ANKS1B: variants seen among roughly 807,000 people sequenced by gnomAD.
The protein encoded by ANKS1B is ankyrin repeat and sterile alpha motif domain containing 1B.
Under a neutral mutation model 148.3 loss-of-function variants are expected in ANKS1B, and 36 were observed. That is an observed-to-expected ratio of 0.24 (90% CI 0.19 to 0.32). The LOEUF (loss-of-function observed/expected upper bound fraction) is 0.32. Among genes scored for constraint, ANKS1B ranks in the 10% least tolerant of loss-of-function variants. The pLI, the probability that ANKS1B is intolerant of heterozygous loss-of-function variation, is 1.00. For synonymous variants in ANKS1B, 542 were observed against 560.8 expected (o/e 0.97, Z 0.47); for missense variants, 1,157 against 1,542.6 (o/e 0.75, Z 4.19).
chr12:99,218,157 G>T (rs558161687), intron 14 of ANKS1B, among the ~76,000 whole-genome samples: 7 of 152,240 alleles, frequency 4.6e-5, no homozygotes, highest in Non-Finnish European at 7.4e-5. Context: ...CTTCTTGGAT[G>T]AAAAGATGCT....
intron 17 of ANKS1B, among the ~76,000 whole-genome samples, chr12:99,004,981 C>T (rs1332438839): frequency 6.6e-6 from 1 of 152,110 alleles, no homozygotes; most frequent in African/African-American, 2.4e-5. Flanking sequence ...ATTGCCTGTG[C>T]CCTCGCAAGG....
At chr12:99,408,371 C>G (rs1203837096) in intron 11 of ANKS1B, among the ~76,000 whole-genome samples, 1 of 145,798 alleles carries the variant, frequency 6.9e-6, no homozygotes, top group Non-Finnish European at 1.5e-5. Context: ...ATAATTAAAT[C>G]TAAGACCTCA....
chr12:99,030,835 T>C (rs1031036129), intron 17 of ANKS1B, among the ~76,000 whole-genome samples: 1 of 152,186 alleles, frequency 6.6e-6, no homozygotes, highest in African/African-American at 2.4e-5. Context: ...CTCCCATTGA[T>C]TTAAAATTAT....
chr12:99,475,659 C>T (rs894129036), intron 10 of ANKS1B, among the ~76,000 whole-genome samples: 1 of 151,248 alleles, frequency 6.6e-6, no homozygotes, highest in Non-Finnish European at 1.5e-5. Flanking sequence ...TCTTAAAACT[C>T]ATATGGTAAA....
At chr12:99,434,278 T>TA in intron 11 of ANKS1B, among the ~76,000 whole-genome samples, 1 of 152,174 alleles carries the variant, frequency 6.6e-6, no homozygotes, top group Admixed American at 6.5e-5. Flanking sequence ...TTTAAAGCAA[T>TA]AATGCCAACT....
intron 4 of ANKS1B, among the ~76,000 whole-genome samples, chr12:99,797,107 G>A (rs2066341556): frequency 6.6e-6 from 1 of 151,880 alleles, no homozygotes. Flanking sequence ...GTCACATAGT[G>A]TACAGAATGT....
At chr12:99,483,759 T>C (rs928271681) in intron 10 of ANKS1B, among the ~76,000 whole-genome samples, 1 of 152,030 alleles carries the variant, frequency 6.6e-6, no homozygotes, top group African/African-American at 2.4e-5. Context: ...TTGACCCATT[T>C]CCTCTAGGTT....
chr12:98,777,347 A>C (rs529826753), intron 24 of ANKS1B, among the ~76,000 whole-genome samples: 1 of 152,358 alleles, frequency 6.6e-6, no homozygotes, highest in South Asian at 2.1e-4. Context: ...AACAACAATG[A>C]AAGCAAAAAA....
At chr12:99,577,337 G>T (rs922992921) in intron 9 of ANKS1B, among the ~76,000 whole-genome samples, 1 of 142,966 alleles carries the variant, frequency 7.0e-6, no homozygotes, top group African/African-American at 2.5e-5. Context: ...ATAAATAAAA[G>T]CAAACCAACC....
chr12:98,784,535 T>C (rs936797199), intron 22 of ANKS1B, among the ~76,000 whole-genome samples: 1 of 152,186 alleles, frequency 6.6e-6, no homozygotes, highest in Admixed American at 6.5e-5. Flanking sequence ...TTCCTGGCTT[T>C]TGCAACAAGA....
At chr12:99,252,093 A>T (rs554297150) in intron 12 of ANKS1B, among the ~76,000 whole-genome samples, 1 of 152,354 alleles carries the variant, frequency 6.6e-6, no homozygotes, top group East Asian at 1.9e-4. Context: ...GCAATTAGGA[A>T]ATGTCTTTCT....
chr12:99,126,786 A>C (rs966073290), intron 15 of ANKS1B, among the ~76,000 whole-genome samples: 18 of 152,210 alleles, frequency 1.2e-4, no homozygotes, highest in Admixed American at 1.3e-4. Flanking sequence ...CCTTATTTCT[A>C]AAAACAAAGA....
intron 12 of ANKS1B, among the ~76,000 whole-genome samples, chr12:99,280,862 CTCTG>C (rs201155175): frequency 0.016 from 2,462 of 151,052 alleles, 52 homozygotes; most frequent in African/African-American, 0.05. Flanking sequence ...CTCTCTCTCT[CTCTG>C]TCTGTCTCTC....
Position 99,984,341 on chromosome 12 carries a change from A to C in ANKS1B, c.-104T>G. ...AGGGCCCTCTTCGCCCCACCCTAAA[A>C]TAATGCAAGAGCTTCAGCACGGAGA... is the stretch of plus-strand genomic sequence containing the variant. On this transcript the variant is annotated 5_prime_UTR_variant, in exon 1 of 27. Transcript: ENST00000683438. 1.3e-5 allele frequency: 13 copies of C among 1,037,180 alleles called. No individual in the cohort carries two copies. The highest frequency in any genetic ancestry group is 1.6e-5 in the Non-Finnish European group (12 of 742,834). 64.2% of individuals were successfully genotyped at this position (1,037,180 alleles called of 1,614,324 possible).
At chr12:99,698,527 C>T (rs141863239) in intron 8 of ANKS1B, among the ~76,000 whole-genome samples, 6 of 152,112 alleles carry the variant, frequency 3.9e-5, no homozygotes, top group Non-Finnish European at 8.8e-5. Context: ...GATTGAGGAA[C>T]AGACAGAATT....
intron 14 of ANKS1B, among the ~76,000 whole-genome samples, chr12:99,235,638 A>G (rs2087760164): frequency 6.6e-6 from 1 of 152,198 alleles, no homozygotes; most frequent in Non-Finnish European, 1.5e-5. Context: ...AACTGGCTAC[A>G]TAGTCTATCT....
intron 15 of ANKS1B, among the ~76,000 whole-genome samples, chr12:99,096,076 G>A (rs1183615955): frequency 6.6e-6 from 1 of 152,140 alleles, no homozygotes; most frequent in Non-Finnish European, 1.5e-5. Context: ...CATAAACCTG[G>A]TATTCTACAG....
chr12:99,720,277 G>A (rs573866164), intron 8 of ANKS1B, among the ~76,000 whole-genome samples: 2 of 152,300 alleles, frequency 1.3e-5, no homozygotes, highest in Non-Finnish European at 2.9e-5. Context: ...CACATGCCCC[G>A]AGTCAGAAAA....
chr12:99,263,098 T>C (rs1373804073), intron 12 of ANKS1B, among the ~76,000 whole-genome samples: 1 of 152,018 alleles, frequency 6.6e-6, no homozygotes, highest in Non-Finnish European at 1.5e-5. Flanking sequence ...ATTATGGTAT[T>C]CCCATTTCGT....
Sources: gnomAD v4.1 joint callset for allele counts (sites outside exome capture counted in the v4.1 genomes callset) on GRCh38, gnomAD v4.1.1 for gene constraint, MANE v1.5 for transcripts, NCBI Gene and HGNC (gene_info 2026-07-23, HGNC 2026-07-21) for gene names.